The following WNK3 variants were observed in gnomAD, a reference collection of about 807,000 sequenced individuals.
WNK3 encodes the protein serine/threonine-protein kinase WNK3.
Under a neutral mutation model 116.7 loss-of-function variants are expected in WNK3, and 18 were observed. The observed-to-expected ratio is 0.15, with a 90% CI of 0.11 to 0.23. WNK3 has a LOEUF of 0.23. Ranked by LOEUF, WNK3 falls within the 10% of genes least tolerant of loss-of-function variation. The pLI, the probability that WNK3 is intolerant of heterozygous loss-of-function variation, is 1.00. For missense variants in WNK3, 993 were observed against 1,323.8 expected (o/e 0.75, Z 3.88); for synonymous variants, 404 against 469.4 (o/e 0.86, Z 1.80).
At chrX:54,292,121 T>C in intron 10 of WNK3, among the ~76,000 whole-genome samples, 1 of 111,974 alleles carries the variant, frequency 8.9e-6, no homozygotes, top group Non-Finnish European at 1.9e-5. Flanking sequence ...AAACACTTCT[T>C]ATTTCTCCTA....
intron 22 of WNK3, among the ~76,000 whole-genome samples, chrX:54,206,642 A>C (rs1158137094): frequency 9.0e-6 from 1 of 111,701 alleles, no homozygotes; most frequent in Non-Finnish European, 1.9e-5. Flanking sequence ...ATAAGCTCTT[A>C]ATTATCTCAT....
chrX:54,340,743 C>T (rs1557176223), intron 1 of WNK3, among the ~76,000 whole-genome samples: 3 of 112,126 alleles, frequency 2.7e-5, no homozygotes, highest in Non-Finnish European at 1.9e-5. Context: ...AGTTGTTCCA[C>T]ATCATTACTT....
intron 10 of WNK3, among the ~76,000 whole-genome samples, chrX:54,284,647 T>C (rs1460067171): frequency 1.8e-5 from 2 of 112,094 alleles, no homozygotes; most frequent in African/African-American, 6.5e-5. Flanking sequence ...GGTATATCCA[T>C]AAAATGGAAC....
chrX:54,212,101 C>G (rs1333302427), intron 22 of WNK3, among the ~76,000 whole-genome samples: 1 of 110,880 alleles, frequency 9.0e-6, no homozygotes, highest in Non-Finnish European at 1.9e-5. Flanking sequence ...TGGTGGGTGC[C>G]TGTAGTCCCA....
intron 7 of WNK3, among the ~76,000 whole-genome samples, chrX:54,295,130 G>A (rs984138667): frequency 2.8e-5 from 3 of 108,150 alleles, no homozygotes; most frequent in Non-Finnish European, 3.8e-5. Flanking sequence ...AATTCCTGAC[G>A]TCGTGATCCA....
chrX:54,223,900 G>T (rs2067798084), intron 22 of WNK3: 1 of 138,135 alleles, frequency 7.2e-6, no homozygotes, highest in Non-Finnish European at 1.5e-5. Context: ...CCTTCACACA[G>T]ATTAACTTGG....
rs1221934076 is a variant in WNK3 at position 54,331,312 on chromosome X, GAA to G, written c.537+1823_537+1824del. 7.8e-5 allele frequency among the ~76,000 whole-genome samples: 8 copies of G among 101,998 alleles called. No individual in the cohort carries two copies. The South Asian group carries it at 3.2e-3, about 41-fold the overall frequency. The allele number at this position is 101,998 out of a possible 115,157, so 88.6% of individuals were successfully genotyped here. A position where few individuals can be genotyped will look rare whatever the true frequency, so the allele number is the denominator to read the frequency against. ...AAATAAATATACACTTACAGATAAT[GAA>G]AAGAGATTCAAGATAAGTGAAAATA... On this transcript the variant is annotated intron_variant, in intron 2 of 23. Transcript: ENST00000354646.
At chrX:54,239,494 T>C (rs782390249) in intron 17 of WNK3, among the ~76,000 whole-genome samples, 1 of 111,138 alleles carries the variant, frequency 9.0e-6, no homozygotes, top group African/African-American at 3.3e-5. Context: ...TAAAACTCCA[T>C]GCTATTATCA....
intron 22 of WNK3, among the ~76,000 whole-genome samples, chrX:54,209,545 C>CTTTT (rs781825501): frequency 2.5e-5 from 2 of 78,454 alleles, no homozygotes; most frequent in Non-Finnish European, 2.3e-5. Flanking sequence ...TTAAGCAGTG[C>CTTTT]TTTTTTTTTT....
chrX:54,286,764 T>C (rs1191080823), intron 10 of WNK3, among the ~76,000 whole-genome samples: 6 of 108,897 alleles, frequency 5.5e-5, no homozygotes, highest in Admixed American at 1.0e-4. Context: ...AATACAAAAA[T>C]TAGCTGGGTG....
intron 1 of WNK3, among the ~76,000 whole-genome samples, chrX:54,341,271 C>A (rs1464821906): frequency 1.8e-5 from 2 of 110,530 alleles, no homozygotes; most frequent in Non-Finnish European, 3.8e-5. Context: ...GTAGTGGGTA[C>A]CTAGAATCCC....
At chrX:54,333,250 G>C (rs374080880) in exon 2 of WNK3, 3 of 1,209,699 alleles carry the variant, frequency 2.5e-6, no homozygotes, top group Non-Finnish European at 2.2e-6. Flanking sequence ...CTGCCACTAG[G>C]AGAAGTAGCT....
exon 2 of WNK3, chrX:54,333,503 T>C: frequency 1.7e-6 from 2 of 1,211,330 alleles, no homozygotes; most frequent in Non-Finnish European, 1.1e-6. Context: ...TTCGGAAAAA[T>C]CTCTTCCTTT....
chrX:54,341,437 G>A, intron 1 of WNK3, among the ~76,000 whole-genome samples: 1 of 109,448 alleles, frequency 9.1e-6, no homozygotes, highest in East Asian at 2.9e-4. Flanking sequence ...AAAACGAATG[G>A]TGTCAGGTGT....
chrX:54,257,401 C>T (rs2068204400), intron 11 of WNK3, among the ~76,000 whole-genome samples: 1 of 110,966 alleles, frequency 9.0e-6, no homozygotes, highest in Non-Finnish European at 1.9e-5. Flanking sequence ...AATAGCAGCA[C>T]TGTAAGGATT....
intron 7 of WNK3, among the ~76,000 whole-genome samples, chrX:54,295,812 C>T (rs2068692391): frequency 9.0e-6 from 1 of 111,257 alleles, no homozygotes; most frequent in Non-Finnish European, 1.9e-5. Flanking sequence ...CTCAGCCTCC[C>T]GAGTAGCTGG....
chrX:54,317,791 C>T (rs1333283356), intron 2 of WNK3, among the ~76,000 whole-genome samples: 1 of 108,094 alleles, frequency 9.3e-6, no homozygotes, highest in African/African-American at 3.4e-5. Flanking sequence ...GCCACCATGC[C>T]CGGCAAATTT....
intron 1 of WNK3, among the ~76,000 whole-genome samples, chrX:54,337,050 A>C (rs1229234633): frequency 9.1e-6 from 1 of 110,288 alleles, no homozygotes; most frequent in Non-Finnish European, 1.9e-5. Flanking sequence ...ATAATTTTTG[A>C]CTTGGGAAAA....
intron 1 of WNK3, among the ~76,000 whole-genome samples, chrX:54,348,116 T>C (rs1395603514): frequency 1.0e-5 from 1 of 100,028 alleles, no homozygotes; most frequent in African/African-American, 4.4e-5. Context: ...GTAGATTTCA[T>C]TGTATATATG....
Sources: gnomAD v4.1 joint callset for allele counts (sites outside exome capture counted in the v4.1 genomes callset) on GRCh38, gnomAD v4.1.1 for gene constraint, MANE v1.5 for transcripts, NCBI Gene and HGNC (gene_info 2026-07-23, HGNC 2026-07-21) for gene names.